The following PTPN12 variants were observed in gnomAD, a reference collection of about 807,000 sequenced individuals.
PTPN12 encodes the protein protein tyrosine phosphatase non-receptor type 12.
PTPN12 carries 29 observed loss-of-function variants against 97.6 expected under a neutral mutation model. The observed-to-expected ratio is 0.30, with a 90% CI of 0.22 to 0.41. The LOEUF (loss-of-function observed/expected upper bound fraction) is 0.41. Among genes scored for constraint, PTPN12 ranks in the 10% least tolerant of loss-of-function variants. The pLI is 1.00. For synonymous variants in PTPN12, 327 were observed against 300.4 expected, an observed-to-expected ratio of 1.09 and a Z score of -0.91; for missense variants, 819 against 926.0, an observed-to-expected ratio of 0.88 and a Z score of 1.50.
chr7:77,542,949 A>G lies in PTPN12; in HGVS notation c.99+5304A>G, dbSNP rs145994385. On this transcript the variant is annotated intron_variant, in intron 1 of 17. Transcript: ENST00000248594. ...AATGAGCTTATTCCAACAAACTTATAGAGTGACCAGCTTTAGGTTGAAGAA... is the reference window on the plus strand; with the variant it reads ...AATGAGCTTATTCCAACAAACTTATGGAGTGACCAGCTTTAGGTTGAAGAA... 1.2e-4 allele frequency among the ~76,000 whole-genome samples: 18 copies of G among 152,306 alleles called. No individual in the cohort carries two copies. In the East Asian group the frequency reaches 3.1e-3, roughly 26 times the overall value.
At chr7:77,547,515 T>A (rs1444680954) in intron 1 of PTPN12, among the ~76,000 whole-genome samples, 6 of 152,236 alleles carry the variant, frequency 3.9e-5, no homozygotes, top group Non-Finnish European at 8.8e-5. Context: ...CATTAATTTC[T>A]ATCCTGGCCC....
intron 3 of PTPN12, among the ~76,000 whole-genome samples, chr7:77,581,878 C>T (rs1416775022): frequency 1.3e-5 from 2 of 152,098 alleles, no homozygotes; most frequent in South Asian, 2.1e-4. Flanking sequence ...TTGCAGTAAA[C>T]ATCTTTGTTG....
In PTPN12 at chr7:77,561,105, G is replaced by A. The variant is rs141406657; in HGVS notation, c.100-9973G>A. On this transcript the variant is annotated intron_variant, in intron 1 of 17. Transcript: ENST00000248594. ...TGTTTTTTGTTTTTTGTTTTTTATA[G>A]AGTTGAGGTTTTGCTGTGTTGCCCA... is the stretch of plus-strand genomic sequence containing the variant. Among the ~76,000 whole-genome samples, 7 of 152,098 alleles carry A rather than the reference G, an allele frequency of 4.6e-5. No homozygotes were observed. In the East Asian group the frequency reaches 1.4e-3, roughly 29 times the overall value.
At chr7:77,638,383 C>G (rs938845801) in intron 16 of PTPN12, among the ~76,000 whole-genome samples, 3 of 152,108 alleles carry the variant, frequency 2.0e-5, no homozygotes, top group African/African-American at 4.8e-5. Context: ...GTAAGAATAA[C>G]GAGAATCCTC....
chr7:77,537,552 G>A lies in PTPN12; in HGVS notation c.6G>A (p.Glu2=), dbSNP rs766097970. Residue 2 remains glutamate, a synonymous_variant, in exon 1 of 18, where the codon GAG becomes GAA. Transcript: ENST00000248594. M[E]QVEILRKFIQ... is the part of the protein sequence containing the mutation. ...AGCCGGGGGGACGCGGGAGGATGGAGCAAGTGGAGATCCTGAGGAAATTCA... is the reference window on the plus strand; with the variant it reads ...AGCCGGGGGGACGCGGGAGGATGGAACAAGTGGAGATCCTGAGGAAATTCA... 7.5e-6 allele frequency: 12 copies of A among 1,596,054 alleles called. No individual in the cohort carries two copies. The highest frequency in any genetic ancestry group is 1.0e-5 in the Non-Finnish European group (12 of 1,173,048).
intron 2 of PTPN12, among the ~76,000 whole-genome samples, chr7:77,579,296 TGTA>T (rs1787438326): frequency 6.6e-6 from 1 of 152,174 alleles, no homozygotes; most frequent in African/African-American, 2.4e-5. Flanking sequence ...CAATTTTTTT[TGTA>T]TTTTTAGTAG....
At chr7:77,623,610 C>A (rs757176355) in intron 12 of PTPN12, among the ~76,000 whole-genome samples, 1 of 152,192 alleles carries the variant, frequency 6.6e-6, no homozygotes, top group Non-Finnish European at 1.5e-5. Context: ...ACTTGTGAGG[C>A]TGAGGCAGGA....
intron 1 of PTPN12, among the ~76,000 whole-genome samples, chr7:77,567,031 A>T (rs1307922116): frequency 6.6e-6 from 1 of 151,922 alleles, no homozygotes; most frequent in African/African-American, 2.4e-5. Context: ...ATAATACAGA[A>T]TTTTTTTGTT....
chr7:77,581,449 G>A lies in PTPN12; in HGVS notation c.231G>A (p.Leu77=), dbSNP rs1473101222. The A allele has an allele frequency of 1.2e-6, 2 of 1,607,394 alleles. No homozygotes were observed. Among genetic ancestry groups the A allele is most frequent in the Non-Finnish European group, 1.7e-6 (2 of 1,176,154 alleles). The change falls in exon 3 of 18, where the codon TTG becomes TTA. Residue 77 remains leucine (L), a synonymous_variant. Coordinates refer to ENST00000248594, the MANE Select transcript of PTPN12 (RefSeq NM_002835.4). The part of the protein sequence containing the change: ...ILPFDHSRVK[L]TLKTPSQDSD... ...TAGTTGATCACAGCCGAGTTAAATT[G>A]ACATTAAAGACTCCTTCACAAGATT...
chr7:77,634,041 C>T (rs943397393), intron 14 of PTPN12, among the ~76,000 whole-genome samples: 2 of 151,728 alleles, frequency 1.3e-5, no homozygotes, highest in Non-Finnish European at 2.9e-5. Flanking sequence ...ATAATAATAA[C>T]AACAAAAAAT....
At chr7:77,562,198 C>T (rs1417428016) in intron 1 of PTPN12, among the ~76,000 whole-genome samples, 4 of 152,116 alleles carry the variant, frequency 2.6e-5, no homozygotes, top group South Asian at 2.1e-4. Flanking sequence ...GCATTACAGG[C>T]GCATGCCACC....
intron 2 of PTPN12, 79 bp from the exon 3 acceptor site, chr7:77,581,344 GCTGT>G (rs1787510163): frequency 1.2e-6 from 1 of 803,432 alleles, no homozygotes; most frequent in African/African-American, 1.8e-5. Context: ...ATGTTCTTAA[GCTGT>G]CTATTTAACC....
chr7:77,566,592 G>A (rs1808268889), intron 1 of PTPN12, among the ~76,000 whole-genome samples: 1 of 152,126 alleles, frequency 6.6e-6, no homozygotes, highest in Non-Finnish European at 1.5e-5. Flanking sequence ...GGCGGTGCGT[G>A]CCTATAGTCC....
intron 12 of PTPN12, among the ~76,000 whole-genome samples, chr7:77,625,892 TA>T (rs1789162648): frequency 6.6e-6 from 1 of 151,544 alleles, no homozygotes; most frequent in African/African-American, 2.4e-5. Flanking sequence ...AGGAAAAAAA[TA>T]AAGGCAACTA....
chr7:77,618,630 TG>T (rs1788833393), intron 12 of PTPN12, 65 bp downstream of exon 12: 1 of 1,068,542 alleles, frequency 9.4e-7, no homozygotes. Context: ...TTAATTAAAA[TG>T]ACAAATTCTG....
At chr7:77,550,207 TGTG>T (rs1221288744) in intron 1 of PTPN12, among the ~76,000 whole-genome samples, 1 of 152,140 alleles carries the variant, frequency 6.6e-6, no homozygotes, top group Non-Finnish European at 1.5e-5. Context: ...GATTTATTAA[TGTG>T]TGTTAACGTG....
At position 77,627,088 on chromosome 7, in the gene PTPN12, G is replaced by A. The variant is rs776325947; in HGVS notation, c.1409G>A (p.Cys470Tyr). ...ATTAAAATTAAATCTGCTTCACCTT[G>A]TATAGCTGATAAAATCTCTAAGCCA... is the stretch of plus-strand genomic sequence containing the variant. ...HAIKIKSASP[C>Y]IADKISKPQE... The change falls in exon 13 of 18, where the codon TGT (cysteine) becomes TAT (tyrosine). Residue 470 changes from cysteine to tyrosine, a missense_variant. This residue lies in a region of PTPN12 where 607 missense variants were observed against 577.3 expected (regional missense o/e 1.05). Transcript: ENST00000248594. 5.6e-6 allele frequency: 9 copies of A among 1,614,036 alleles called. 1 individual carries two copies. The South Asian group carries it at 9.9e-5, about 18-fold the overall frequency.
rs199613692 is a variant in PTPN12 at position 77,627,671 on chromosome 7, A to G, written c.1992A>G (p.Glu664=). ...CAGGAACAACACATTCAGGTGCTGA[A>G]AAAGGTAATAATATAGTGTCAAATA... ...NIAGTTHSGA[E]KDVDVSEDSP... The change falls in exon 13 of 18, where the codon GAA becomes GAG. Residue 664 remains glutamate, a synonymous_variant. Transcript: ENST00000248594. The G allele has an allele frequency of 1.3e-6, 2 of 1,563,408 alleles. No homozygotes were observed. Among genetic ancestry groups the G allele is most frequent in the Non-Finnish European group, 1.7e-6 (2 of 1,158,008 alleles).
intron 2 of PTPN12, among the ~76,000 whole-genome samples, chr7:77,574,395 A>AT (rs1415354950): frequency 6.6e-6 from 1 of 152,180 alleles, no homozygotes; most frequent in Admixed American, 6.5e-5. Context: ...GTTATGTGCC[A>AT]TTTTGCAAAC....
Sources: allele counts gnomAD v4.1 joint callset (sites outside exome capture counted in the v4.1 genomes callset), GRCh38; gene constraint gnomAD v4.1.1; regional missense constraint gnomAD v4.1.1; transcripts MANE v1.5; gene names NCBI Gene and HGNC (gene_info 2026-07-23, HGNC 2026-07-21).